Variants in GFM1 observed in about 807,000 individuals in gnomAD.
GFM1 encodes G elongation factor mitochondrial 1.
A neutral mutation model predicts 96.2 loss-of-function variants in GFM1; 62 were observed. That is an observed-to-expected ratio of 0.64 (90% CI 0.53 to 0.80). The LOEUF is 0.80. Ranked by LOEUF, GFM1 falls within the 30% of genes least tolerant of loss-of-function variation. The probability of loss-of-function intolerance (pLI) is 0.00; values close to 1 mark genes in which losing one functional copy is unlikely to be tolerated. For missense variants in GFM1, 852 were observed against 916.6 expected (o/e 0.93, Z 0.91); for synonymous variants, 282 against 312.9 (o/e 0.90, Z 1.04).
At chr3:158,646,668 C>T (rs1576722371) in intron 3 of GFM1, 75 bp from the exon 4 acceptor site, 2 of 1,248,416 alleles carry the variant, frequency 1.6e-6, no homozygotes, top group South Asian at 2.6e-5. Flanking sequence ...AGCAGAGATA[C>T]AAAAACTTCT....
rs1726403050 is a variant in GFM1, at chr3:158,692,640, TA to T, written c.*1178del. ...AAGGTTTCTAGGGGAAAAAGATCTTTAAAAAGTATTGAGCACATGTTTTCAA... is the reference window on the plus strand; with the variant it reads ...AAGGTTTCTAGGGGAAAAAGATCTTTAAAAGTATTGAGCACATGTTTTCAA... On this transcript the variant is annotated 3_prime_UTR_variant, in exon 18 of 18. Coordinates refer to ENST00000486715, the MANE Select transcript of GFM1 (RefSeq NM_024996.7). The T allele has an allele frequency of 6.6e-6, 1 of 152,212 alleles. No individual in the cohort carries two copies. Among genetic ancestry groups the T allele is most frequent in the Admixed American group, 6.5e-5 (1 of 15,276 alleles). 9.4% of individuals were successfully genotyped at this position (152,212 alleles called of 1,614,324 possible).
In GFM1 at chr3:158,645,799, A is replaced by T. The variant is rs763249930; in HGVS notation, c.234+18A>T. On this transcript the variant is annotated intron_variant, in intron 2 of 17. Coordinates refer to ENST00000486715, the MANE Select transcript of GFM1 (RefSeq NM_024996.7). ...TGCATGAGGTATATATTCACGGTTG[A>T]TTCCGGATTAATTAGAACCAGATTT... The T allele has an allele frequency of 1.3e-6, 2 of 1,594,652 alleles. No homozygotes were observed. The highest frequency in any genetic ancestry group is 1.7e-6 in the Non-Finnish European group (2 of 1,162,348).
chr3:158,668,125 C>T (rs886398607), intron 13 of GFM1, among the ~76,000 whole-genome samples: 1 of 152,132 alleles, frequency 6.6e-6, no homozygotes, highest in Admixed American at 6.5e-5. Flanking sequence ...TTACAATTGT[C>T]CCTTAGTATC....
intron 13 of GFM1, chr3:158,666,681 T>C (rs371092771): frequency 5.6e-6 from 9 of 1,613,922 alleles, no homozygotes; most frequent in South Asian, 4.4e-5. Flanking sequence ...AGACGGCTAT[T>C]ATGTTTTACT....
At chr3:158,650,338 A>C (rs558310663) in intron 5 of GFM1, 7 of 365,062 alleles carry the variant, frequency 1.9e-5, no homozygotes, top group African/African-American at 4.0e-5. Context: ...TGCCTAGTAC[A>C]TAATAGGGAC....
At chr3:158,679,634 A>AT (rs898615731) in intron 13 of GFM1, among the ~76,000 whole-genome samples, 2 of 151,464 alleles carry the variant, frequency 1.3e-5, no homozygotes, top group African/African-American at 2.4e-5. Flanking sequence ...TTTTCTCTAA[A>AT]TTTTTTTTTC....
chr3:158,672,741 G>A, intron 13 of GFM1: 1 of 375,100 alleles, frequency 2.7e-6, no homozygotes, highest in Non-Finnish European at 5.1e-6. Context: ...TACTCCGCCT[G>A]CTGGTTCCTA....
chr3:158,684,830 T>C (rs150708618), intron 15 of GFM1, 162 bp downstream of exon 15: 12 of 670,562 alleles, frequency 1.8e-5, no homozygotes, highest in Non-Finnish European at 3.1e-5. Flanking sequence ...TCAAGGTAGA[T>C]TATTATGTTC....
At chr3:158,691,256 T>G in intron 17 of GFM1, 64 bp downstream of exon 17, 1 of 1,605,786 alleles carries the variant, frequency 6.2e-7, no homozygotes, top group Admixed American at 1.7e-5. Context: ...TATAAAATCT[T>G]GACCTTGTAT....
At chr3:158,658,258 C>A (rs1722928818) in intron 8 of GFM1, among the ~76,000 whole-genome samples, 1 of 150,630 alleles carries the variant, frequency 6.6e-6, no homozygotes, top group Admixed American at 6.7e-5. Context: ...CCTCCGCCTC[C>A]TGGGTTTAAG....
At chr3:158,666,443 G>A (rs1302609010) in intron 13 of GFM1, 57 bp downstream of exon 13, 2 of 1,383,346 alleles carry the variant, frequency 1.4e-6, no homozygotes, top group Non-Finnish European at 2.1e-6. Flanking sequence ...TTTTATTTTG[G>A]ATATACATAC....
chr3:158,670,963 T>C (rs779601854), intron 13 of GFM1: 1 of 1,538,522 alleles, frequency 6.5e-7, no homozygotes, highest in Non-Finnish European at 8.7e-7. Context: ...TTACTTTTTG[T>C]ATAATTTCTT....
chr3:158,653,523 C>T (rs973393706), intron 7 of GFM1, 56 bp downstream of exon 7: 1 of 1,274,200 alleles, frequency 7.8e-7, no homozygotes. Context: ...TATTTATGCA[C>T]TGTGAAGGAA....
chr3:158,658,956 G>A lies in GFM1; in HGVS notation c.1118G>A (p.Ser373Asn), dbSNP rs1023544297. ...GRFGQLTYVR[S>N]YQGELKKGDT... is the part of the protein sequence containing the mutation. Reference sequence around the variant, plus strand: ...TTTGGACAATTAACTTATGTTCGCAGTTATCAGGGAGAGCTAAAGAAGGGT... The same window carrying A: ...TTTGGACAATTAACTTATGTTCGCAATTATCAGGGAGAGCTAAAGAAGGGT... Residue 373 changes from serine to asparagine, a missense_variant, in exon 9 of 18, where the codon AGT (serine) becomes AAT (asparagine). Physicochemically the swap from Ser to Asn is conservative, Grantham distance 46. Coordinates refer to ENST00000486715, the MANE Select transcript of GFM1 (RefSeq NM_024996.7). The A allele has an allele frequency of 4.3e-6, 7 of 1,614,018 alleles. No individual in the cohort carries two copies. The highest frequency in any genetic ancestry group is 5.9e-6 in the Non-Finnish European group (7 of 1,180,028).
At chr3:158,670,509 G>C (rs1724177101) in intron 13 of GFM1, among the ~76,000 whole-genome samples, 2 of 151,988 alleles carry the variant, frequency 1.3e-5, no homozygotes, top group South Asian at 4.1e-4. Context: ...TGTGTAGTTT[G>C]GTAGAAATAA....
chr3:158,665,578 C>T (rs1195757060), intron 12 of GFM1, 104 bp downstream of exon 12: 3 of 962,020 alleles, frequency 3.1e-6, no homozygotes, highest in Non-Finnish European at 5.0e-6. Flanking sequence ...TCTGGTTCTT[C>T]ATGCGTCACT....
intron 2 of GFM1, 117 bp from the exon 3 acceptor site, chr3:158,646,048 G>T: frequency 2.3e-6 from 3 of 1,281,438 alleles, no homozygotes; most frequent in Non-Finnish European, 3.4e-6. Context: ...CTCCCACAGT[G>T]CTGGGATTAT....
chr3:158,648,655 G>T (rs1457750656), intron 4 of GFM1, among the ~76,000 whole-genome samples: 2 of 138,750 alleles, frequency 1.4e-5, no homozygotes, highest in African/African-American at 2.8e-5. Context: ...TTCAGCCTTG[G>T]CAACAGGGCG....
At position 158,652,100 on chromosome 3, in the gene GFM1, A is replaced by G. The variant is rs1281459526; in HGVS notation, c.694A>G (p.Ile232Val). The change falls in exon 6 of 18, where the codon ATT (isoleucine) becomes GTT (valine). Residue 232 changes from isoleucine to valine, a missense_variant. By Grantham distance (29) the Ile-to-Val change is conservative. Coordinates refer to ENST00000486715, the MANE Select transcript of GFM1 (RefSeq NM_024996.7). ...CCAAAATATTTGCTTTCTTAGTCAG[A>G]TTGTTCGATATGGTGAGATTCCAGC... ...AIYFDGDFGQ[I>V]VRYGEIPAEL... is the part of the protein sequence containing the mutation. The G allele has an allele frequency of 3.1e-6, 5 of 1,613,878 alleles. No individual in the cohort carries two copies.
Sources: gnomAD v4.1 joint callset for allele counts (sites outside exome capture counted in the v4.1 genomes callset) on GRCh38, gnomAD v4.1.1 for gene constraint, MANE v1.5 for transcripts, NCBI Gene and HGNC (gene_info 2026-07-23, HGNC 2026-07-21) for gene names.